DPP10: variants seen among roughly 807,000 people sequenced by gnomAD.
DPP10 encodes the protein dipeptidyl peptidase like 10, also known as inactive dipeptidyl peptidase 10.
Under a neutral mutation model 120.9 loss-of-function variants are expected in DPP10, and 33 were observed. The ratio of observed to expected loss-of-function variants is 0.27; its 90% CI spans 0.21 to 0.37. DPP10 has a LOEUF of 0.37. DPP10 is among the 10% of genes least tolerant of loss of function. DPP10 has a pLI of 1.00. For missense variants in DPP10, 816 were observed against 942.8 expected (o/e 0.87, Z 1.76); for synonymous variants, 337 against 326.1 (o/e 1.03, Z -0.36).
At chr2:114,698,247 C>A (rs1452333779) in intron 1 of DPP10, among the ~76,000 whole-genome samples, 1 of 152,012 alleles carries the variant, frequency 6.6e-6, no homozygotes, top group Non-Finnish European at 1.5e-5. Context: ...GGGAAGCCAG[C>A]TTCCATATCA....
chr2:114,972,701 A>G (rs1699476632), intron 1 of DPP10, among the ~76,000 whole-genome samples: 1 of 152,230 alleles, frequency 6.6e-6, no homozygotes, highest in Non-Finnish European at 1.5e-5. Context: ...AAGCTGAGAA[A>G]GAAGGTTTCT....
intron 1 of DPP10, among the ~76,000 whole-genome samples, chr2:114,691,398 T>C (rs1436635566): frequency 3.3e-5 from 5 of 152,114 alleles, no homozygotes; most frequent in African/African-American, 1.2e-4. Flanking sequence ...ACTAACCTTG[T>C]ATCCTGGGGA....
At chr2:115,803,436 A>T (rs1188643809) in intron 19 of DPP10, among the ~76,000 whole-genome samples, 1 of 152,098 alleles carries the variant, frequency 6.6e-6, no homozygotes, top group Non-Finnish European at 1.5e-5. Context: ...TTGACATTTA[A>T]GGTTAGTATT....
chr2:115,269,005 G>A (rs2059579143), intron 1 of DPP10, among the ~76,000 whole-genome samples: 1 of 152,106 alleles, frequency 6.6e-6, no homozygotes, highest in African/African-American at 2.4e-5. Flanking sequence ...AAATTAGCTG[G>A]GCGTGGTGGC....
intron 5 of DPP10, among the ~76,000 whole-genome samples, chr2:115,536,634 G>C (rs995117702): frequency 6.6e-6 from 1 of 151,910 alleles, no homozygotes; most frequent in Non-Finnish European, 1.5e-5. Flanking sequence ...ATAATTTAAG[G>C]TTCCTTTTGG....
chr2:115,102,873 CTCTGTGG>C (rs2048761367), intron 1 of DPP10, among the ~76,000 whole-genome samples: 1 of 152,178 alleles, frequency 6.6e-6, no homozygotes, highest in South Asian at 2.1e-4. Context: ...GTGGCAGCCA[CTCTGTGG>C]CTATGTAACA....
intron 3 of DPP10, among the ~76,000 whole-genome samples, chr2:115,407,504 G>A (rs1480625726): frequency 6.6e-6 from 1 of 152,152 alleles, no homozygotes; most frequent in East Asian, 1.9e-4. Flanking sequence ...CATTGTCCAA[G>A]GCTCTGTTTG....
chr2:115,333,928 A>G (rs541647798), intron 2 of DPP10, among the ~76,000 whole-genome samples: 3 of 151,468 alleles, frequency 2.0e-5, no homozygotes, highest in Admixed American at 6.6e-5. Flanking sequence ...CAAGGTGAGA[A>G]GAGAAGTTTA....
intron 19 of DPP10, 26 bp from the exon 20 acceptor site, chr2:115,814,767 T>C: frequency 6.8e-7 from 1 of 1,478,712 alleles, no homozygotes; most frequent in African/African-American, 1.4e-5. Flanking sequence ...TGCTCTTGTT[T>C]TGGTCCAATA....
At chr2:114,726,354 A>G (rs1702051099) in intron 1 of DPP10, among the ~76,000 whole-genome samples, 1 of 152,146 alleles carries the variant, frequency 6.6e-6, no homozygotes, top group South Asian at 2.1e-4. Context: ...TCACTCCCCA[A>G]GGTAAATAGC....
chr2:114,482,390 G>A (rs546039416), intron 1 of DPP10, among the ~76,000 whole-genome samples: 48 of 152,130 alleles, frequency 3.2e-4, no homozygotes, highest in Non-Finnish European at 5.9e-4. Flanking sequence ...TATATGCCTT[G>A]TAAATTCCAT....
intron 1 of DPP10, among the ~76,000 whole-genome samples, chr2:114,854,997 A>G (rs17788273): frequency 0.35 from 53,894 of 151,964 alleles, 10,270 homozygotes; most frequent in South Asian, 0.51. Flanking sequence ...TACTCCTCAG[A>G]CCTTCAGTAA....
intron 5 of DPP10, among the ~76,000 whole-genome samples, chr2:115,528,981 TTTAC>T (rs2148909445): frequency 6.6e-6 from 1 of 152,214 alleles, no homozygotes; most frequent in East Asian, 1.9e-4. Context: ...GACCTGGTTG[TTTAC>T]TTGACCAGGA....
intron 1 of DPP10, among the ~76,000 whole-genome samples, chr2:115,001,867 C>G (rs562796965): frequency 6.6e-6 from 1 of 152,114 alleles, no homozygotes; most frequent in South Asian, 2.1e-4. Context: ...AAACACTGCT[C>G]AAAGAAATCA....
intron 1 of DPP10, among the ~76,000 whole-genome samples, chr2:115,175,525 C>CA (rs2053630612): frequency 6.6e-6 from 1 of 151,698 alleles, no homozygotes; most frequent in Admixed American, 6.6e-5. Context: ...GTGTTAAAAA[C>CA]AAAAAAATAA....
At chr2:114,511,135 A>C (rs2104579726) in intron 1 of DPP10, among the ~76,000 whole-genome samples, 1 of 152,388 alleles carries the variant, frequency 6.6e-6, no homozygotes, top group South Asian at 2.1e-4. Context: ...ATAGATATCA[A>C]CATAGGTATA....
At chr2:114,747,070 A>G (rs367570555) in intron 1 of DPP10, among the ~76,000 whole-genome samples, 1 of 152,216 alleles carries the variant, frequency 6.6e-6, no homozygotes, top group African/African-American at 2.4e-5. Flanking sequence ...ATCTTAGACT[A>G]AAGGTCAAGT....
rs1417644635 is a variant in DPP10 at position 115,619,837 on chromosome 2, C to G, written c.442-69850C>G. Among the ~76,000 whole-genome samples, 5 of 152,172 alleles carry G rather than the reference C, an allele frequency of 3.3e-5. No homozygotes were observed. The South Asian group carries it at 1.0e-3, about 31-fold the overall frequency. ...CTTTATTTCTGAACAGTGGAGACAG[C>G]TGGCACCTGAGAGTTGCTTATTTGA... On this transcript the variant is annotated intron_variant, in intron 5 of 25. Coordinates refer to ENST00000410059, the MANE Select transcript of DPP10 (RefSeq NM_020868.6).
intron 1 of DPP10, among the ~76,000 whole-genome samples, chr2:114,747,543 A>G (rs1678691175): frequency 6.6e-6 from 1 of 152,258 alleles, no homozygotes; most frequent in African/African-American, 2.4e-5. Context: ...GATAAAATAT[A>G]TAGAAATACA....
Sources: gnomAD v4.1 joint callset for allele counts (sites outside exome capture counted in the v4.1 genomes callset) on GRCh38, gnomAD v4.1.1 for gene constraint, MANE v1.5 for transcripts, NCBI Gene and HGNC (gene_info 2026-07-23, HGNC 2026-07-21) for gene names.